RPS6KA6: variants seen among roughly 807,000 people sequenced by gnomAD.
RPS6KA6 encodes the protein ribosomal protein S6 kinase alpha-6.
Under a neutral mutation model 65.4 loss-of-function variants are expected in RPS6KA6, and 27 were observed. The ratio of observed to expected loss-of-function variants is 0.41; its 90% CI spans 0.30 to 0.57. The LOEUF is 0.57. Among genes scored for constraint, RPS6KA6 ranks in the 20% least tolerant of loss-of-function variants. The probability of loss-of-function intolerance (pLI) is 0.24; values close to 1 mark genes in which losing one functional copy is unlikely to be tolerated. For synonymous variants in RPS6KA6, 190 were observed against 184.2 expected (o/e 1.03, Z -0.26); for missense variants, 486 against 555.6 (o/e 0.87, Z 1.26).
chrX:84,138,453 G>A (rs779805005), intron 6 of RPS6KA6, among the ~76,000 whole-genome samples: 83 of 110,764 alleles, frequency 7.5e-4, no homozygotes, highest in African/African-American at 2.6e-3. Flanking sequence ...TTCGGGAGGC[G>A]GAGGCATGAG....
At chrX:84,140,623 A>G (rs1000668246) in intron 6 of RPS6KA6, among the ~76,000 whole-genome samples, 5 of 104,947 alleles carry the variant, frequency 4.8e-5, no homozygotes, top group Non-Finnish European at 9.7e-5. Context: ...AGTCCCAGCT[A>G]TGCAGGAGGC....
intron 20 of RPS6KA6, among the ~76,000 whole-genome samples, chrX:84,069,321 C>T (rs1207806529): frequency 1.8e-5 from 2 of 111,600 alleles, no homozygotes; most frequent in African/African-American, 6.5e-5. Flanking sequence ...GGAAAGGATC[C>T]CCTATTTAAT....
intron 12 of RPS6KA6, among the ~76,000 whole-genome samples, chrX:84,110,991 A>T (rs989232404): frequency 6.8e-5 from 7 of 102,434 alleles, no homozygotes; most frequent in East Asian, 3.0e-4. Flanking sequence ...AAGATAAATA[A>T]ATATATATAT....
intron 20 of RPS6KA6, 36 bp from the exon 21 acceptor site, chrX:84,065,147 CAT>C: frequency 1.1e-6 from 1 of 928,386 alleles, no homozygotes; most frequent in Non-Finnish European, 1.5e-6. Flanking sequence ...TATATATATA[CAT>C]GTATACATAC....
intron 14 of RPS6KA6, 46 bp from the exon 15 acceptor site, chrX:84,106,533 TCA>T (rs1350433022): frequency 3.1e-5 from 28 of 890,288 alleles, no homozygotes; most frequent in Non-Finnish European, 4.1e-5. Flanking sequence ...TGAAATATTT[TCA>T]CATTTTCTGT....
chrX:84,093,927 T>C (rs899754732), intron 20 of RPS6KA6, among the ~76,000 whole-genome samples: 1 of 111,246 alleles, frequency 9.0e-6, no homozygotes, highest in African/African-American at 3.3e-5. Context: ...ATGTGGCTTT[T>C]TGGTATGACT....
upstream of RPS6KA6, among the ~76,000 whole-genome samples, chrX:84,188,233 C>T (rs1423856986): frequency 1.8e-5 from 2 of 112,089 alleles, no homozygotes; most frequent in South Asian, 3.7e-4. Context: ...GTCCCCTCCC[C>T]GCTCCCTGCT....
chrX:84,108,388 C>A (rs2147439910), intron 12 of RPS6KA6, among the ~76,000 whole-genome samples: 1 of 111,876 alleles, frequency 8.9e-6, no homozygotes, highest in African/African-American at 3.2e-5. Flanking sequence ...CTAGTGGATG[C>A]CTCTCTCATG....
chrX:84,096,415 G>T, intron 19 of RPS6KA6, 104 bp from the exon 20 acceptor site: 1 of 357,481 alleles, frequency 2.8e-6, no homozygotes, highest in Non-Finnish European at 4.9e-6. Flanking sequence ...CAGTGAATAA[G>T]AATATCATCT....
intron 8 of RPS6KA6, among the ~76,000 whole-genome samples, chrX:84,122,578 T>G (rs2034699231): frequency 9.2e-6 from 1 of 108,652 alleles, no homozygotes; most frequent in Admixed American, 9.9e-5. Flanking sequence ...AGATGATCCA[T>G]CCACCTCGGT....
intron 20 of RPS6KA6, among the ~76,000 whole-genome samples, chrX:84,093,281 C>A (rs190973569): frequency 6.3e-5 from 7 of 111,842 alleles, no homozygotes; most frequent in Non-Finnish European, 1.9e-5. Flanking sequence ...GTCTGATGGG[C>A]AGCAAATGTC....
chrX:84,143,805 T>C (rs770340929), intron 6 of RPS6KA6, among the ~76,000 whole-genome samples: 4 of 111,250 alleles, frequency 3.6e-5, no homozygotes, highest in Non-Finnish European at 7.6e-5. Flanking sequence ...GTACAGTAAT[T>C]CAGACAGTGT....
chrX:84,124,127 T>C (rs933909796), intron 8 of RPS6KA6, among the ~76,000 whole-genome samples: 1 of 111,717 alleles, frequency 9.0e-6, no homozygotes, highest in South Asian at 3.7e-4. Context: ...CACAGCATTA[T>C]TGGGCTTGGG....
rs139727457 is a variant in RPS6KA6 at position 84,159,152 on chromosome X, A to G, written c.142-2961T>C. Among the ~76,000 whole-genome samples the G allele has an allele frequency of 9.7e-3, 1,080 of 111,078 alleles. 17 individuals carry two copies. The highest frequency in any genetic ancestry group is 0.034 in the African/African-American group (1,037 of 30,628). ...ACTAGCTCTTTTTTACTCTCAAAGT[A>G]TGTGATACCCTCCTGTGTCACCATT... On this transcript the variant is annotated intron_variant, in intron 2 of 21. Coordinates refer to ENST00000262752, the MANE Select transcript of RPS6KA6 (RefSeq NM_014496.5).
At chrX:84,183,163 A>G (rs2035882411) in intron 1 of RPS6KA6, among the ~76,000 whole-genome samples, 1 of 111,854 alleles carries the variant, frequency 8.9e-6, no homozygotes, top group Non-Finnish European at 1.9e-5. Flanking sequence ...GGTGGCTAAT[A>G]CAGAGACTTA....
chrX:84,102,503 C>T (rs772670288), intron 17 of RPS6KA6, among the ~76,000 whole-genome samples: 1 of 110,527 alleles, frequency 9.0e-6, no homozygotes, highest in South Asian at 3.8e-4. Flanking sequence ...ATTTATATCA[C>T]TTAGCATTAT....
intron 20 of RPS6KA6, among the ~76,000 whole-genome samples, chrX:84,081,109 A>G (rs1328023913): frequency 4.5e-5 from 5 of 111,757 alleles, no homozygotes; most frequent in Non-Finnish European, 9.4e-5. Context: ...CTAGCAGAAG[A>G]CAAGAAATAA....
intron 20 of RPS6KA6, among the ~76,000 whole-genome samples, chrX:84,086,266 A>T (rs529627734): frequency 3.6e-5 from 4 of 111,112 alleles, no homozygotes; most frequent in Non-Finnish European, 5.7e-5. Flanking sequence ...TTAATTAGAG[A>T]TCTTTCTAAC....
At chrX:84,068,729 G>A (rs1008486866) in intron 20 of RPS6KA6, among the ~76,000 whole-genome samples, 2 of 111,842 alleles carry the variant, frequency 1.8e-5, no homozygotes, top group Non-Finnish European at 3.8e-5. Context: ...AAAGTCTCAG[G>A]ATACAAAACC....
Sources: gnomAD v4.1 joint callset for allele counts (sites outside exome capture counted in the v4.1 genomes callset) on GRCh38, gnomAD v4.1.1 for gene constraint, MANE v1.5 for transcripts, NCBI Gene and HGNC (gene_info 2026-07-23, HGNC 2026-07-21) for gene names.